The following ZAN variants were observed in gnomAD, a reference collection of about 807,000 sequenced individuals.
ZAN encodes zonadhesin.
A neutral mutation model predicts 286.2 loss-of-function variants in ZAN; 260 were observed. The ratio of observed to expected loss-of-function variants is 0.91; its 90% CI spans 0.82 to 1.01. The LOEUF (loss-of-function observed/expected upper bound fraction) is 1.01. Among genes scored for constraint, ZAN ranks in the 50% least tolerant of loss-of-function variants. The pLI is 0.00. For synonymous variants in ZAN, 1,368 were observed against 1,417.5 expected, an observed-to-expected ratio of 0.97 and a Z score of 0.79; for missense variants, 3,410 against 3,639.2, an observed-to-expected ratio of 0.94 and a Z score of 1.62.
At chr7:100,750,367 C>T (rs890918701) in intron 11 of ZAN, among the ~76,000 whole-genome samples, 1 of 152,090 alleles carries the variant, frequency 6.6e-6, no homozygotes, top group African/African-American at 2.4e-5. Context: ...GATCTCTTGA[C>T]CTCGTGATCC....
chr7:100,784,835 G>A lies in ZAN; in HGVS notation c.6834+1G>A. 1.3e-6 allele frequency: 2 copies of A among 1,586,864 alleles called. No homozygotes were observed. Among genetic ancestry groups the A allele is most frequent in the Non-Finnish European group, 1.7e-6 (2 of 1,163,970 alleles). On this transcript the variant is annotated splice_donor_variant, in intron 36 of 47. Transcript: ENST00000613979. LOFTEE classifies it high-confidence loss of function. ...GGATGCCCATGGTGGCTCCATCCCT[G>A]TGAGTGGGCATGGGAAATGGGACTG... is the stretch of plus-strand genomic sequence containing the variant.
rs1166217824 is a variant in ZAN at position 100,757,754 on chromosome 7, CAAAA to C, written c.3310-434_3310-431del. ...TGGGTGACAGAGTGAGACTCCGTCT[CAAAA>C]AAAAAAAAAAAAACAAAAAAACAGA... On this transcript the variant is annotated intron_variant, in intron 15 of 47. Transcript: ENST00000613979. Among the ~76,000 whole-genome samples the C allele has an allele frequency of 7.0e-5, 4 of 57,516 alleles. No individual in the cohort carries two copies. The East Asian group carries it at 1.3e-3, about 18-fold the overall frequency. 37.7% of individuals were successfully genotyped at this position (57,516 alleles called of 152,430 possible).
Position 100,765,569 on chromosome 7 carries a change from G to A in ZAN, c.4470+15G>A. 6.3e-7 allele frequency: 1 copy of A among 1,583,764 alleles called. No homozygotes were observed. The highest frequency in any genetic ancestry group is 8.6e-7 in the Non-Finnish European group (1 of 1,165,816). ...GCTACTTCAAGGTGAGCGGCTGCGT[G>A]GACCTCTCAGCCCTGCAGCTAGAAA... On this transcript the variant is annotated intron_variant, in intron 23 of 47. Coordinates refer to ENST00000613979, the MANE Select transcript of ZAN (RefSeq NM_003386.3).
chr7:100,789,857 A>G (rs951314076), intron 39 of ZAN, among the ~76,000 whole-genome samples: 1 of 152,092 alleles, frequency 6.6e-6, no homozygotes, highest in African/African-American at 2.4e-5. Flanking sequence ...AGGCAGGAGA[A>G]TCGCTTGAAC....
intron 45 of ZAN, 74 bp downstream of exon 45, chr7:100,795,410 T>TG: frequency 7.3e-7 from 1 of 1,364,060 alleles, no homozygotes; most frequent in Non-Finnish European, 9.5e-7. Flanking sequence ...ATTCTATATG[T>TG]ATTATATTCA....
intron 34 of ZAN, among the ~76,000 whole-genome samples, chr7:100,777,283 A>G (rs3134668): frequency 0.36 from 55,203 of 151,610 alleles, 11,350 homozygotes; most frequent in East Asian, 0.8. Context: ...GACCTCAGGC[A>G]ATGTGGCCGC....
At chr7:100,745,544 G>A (rs1233961229) in intron 7 of ZAN, among the ~76,000 whole-genome samples, 1 of 151,588 alleles carries the variant, frequency 6.6e-6, no homozygotes, top group Admixed American at 6.6e-5. Flanking sequence ...CAGAGCCGCT[G>A]TATCTCTCGC....
chr7:100,777,699 C>A (rs1810913031), intron 34 of ZAN, among the ~76,000 whole-genome samples: 1 of 151,998 alleles, frequency 6.6e-6, no homozygotes, highest in South Asian at 2.1e-4. Flanking sequence ...AGCTAGGGAG[C>A]CAGACTGTAG....
chr7:100,758,641 AACT>A lies in ZAN; in HGVS notation c.3563_3565del (p.Asn1188_Ser1189delinsThr). ...TTACATCTTGGCCCAGCCCTGTGGC[AACT>A]CAACAGGTAGGCCCTGGAGATGCCA... On this transcript the variant is annotated inframe_deletion, in exon 17 of 48. Transcript: ENST00000613979. 1 of 1,554,460 alleles carries A rather than the reference AACT, an allele frequency of 6.4e-7. No individual in the cohort carries two copies. The highest frequency in any genetic ancestry group is 8.7e-7 in the Non-Finnish European group (1 of 1,148,874).
Position 100,734,913 on chromosome 7 carries a change from C to T in ZAN, c.53+692C>T, listed in dbSNP as rs984146530. ...GAAATGACGGATGACAGGCCAAGCG[C>T]GGCGGCTCACCCCTGTAATCCCAGC... On this transcript the variant is annotated intron_variant, in intron 2 of 47. Coordinates refer to ENST00000613979, the MANE Select transcript of ZAN (RefSeq NM_003386.3). Among the ~76,000 whole-genome samples the T allele has an allele frequency of 4.3e-5, 6 of 140,818 alleles. No homozygotes were observed. In the South Asian group the frequency reaches 6.6e-4, roughly 15 times the overall value. 92.4% of individuals were successfully genotyped at this position (140,818 alleles called of 152,430 possible).
intron 28 of ZAN, 36 bp from the exon 29 acceptor site, chr7:100,771,808 C>A: frequency 6.3e-7 from 1 of 1,588,070 alleles, no homozygotes; most frequent in Non-Finnish European, 8.6e-7. Flanking sequence ...CTTCCCGGCC[C>A]CTCCCCTGGC....
Position 100,755,210 on chromosome 7 carries a change from G to A in ZAN, c.3125-16G>A, listed in dbSNP as rs771773735. 3.7e-6 allele frequency: 6 copies of A among 1,600,580 alleles called. No individual in the cohort carries two copies. In the South Asian group the frequency reaches 4.4e-5, roughly 12 times the overall value. On this transcript the variant is annotated splice_polypyrimidine_tract_variant and intron_variant, in intron 14 of 47. Transcript: ENST00000613979. ...GCCATGGAATGAAAGCATGACAGAG[G>A]CTGTTTTCCCCTTAGAGCGCTGCCC...
In ZAN at chr7:100,786,129, T is replaced by C. The variant is rs1280512891; in HGVS notation, c.6967T>C (p.Cys2323Arg). ...QLTSDNSNSN[C>R]VSDKSEQCSV... Reference sequence around the variant, plus strand: ...CACTTCCGACAACAGCAACAGCAATTGTGTCTCAGACAGTAAGGGGAGCGA... The same window carrying C: ...CACTTCCGACAACAGCAACAGCAATCGTGTCTCAGACAGTAAGGGGAGCGA... Residue 2323 changes from cysteine to arginine, a missense_variant, in exon 37 of 48, where the codon TGT becomes CGT. Transcript: ENST00000613979. 1 of 1,613,716 alleles carries C rather than the reference T, an allele frequency of 6.2e-7. No homozygotes were observed. The highest frequency in any genetic ancestry group is 1.3e-5 in the African/African-American group (1 of 74,912).
intron 12 of ZAN, 45 bp downstream of exon 12, chr7:100,750,941 C>A (rs1365966370): frequency 6.6e-7 from 1 of 1,513,446 alleles, no homozygotes; most frequent in East Asian, 2.3e-5. Flanking sequence ...GGTGAGAGGG[C>A]CAATGCCTGG....
At chr7:100,775,639 C>A (rs1021117860) in intron 32 of ZAN, 30 bp from the exon 33 acceptor site, 1 of 1,612,450 alleles carries the variant, frequency 6.2e-7, no homozygotes, top group African/African-American at 1.3e-5. Flanking sequence ...TGTCCCTGCT[C>A]CTACTCACCG....
chr7:100,756,437 A>G (rs1371471296), intron 15 of ZAN, among the ~76,000 whole-genome samples: 2 of 152,032 alleles, frequency 1.3e-5, no homozygotes, highest in African/African-American at 2.4e-5. Flanking sequence ...TCAAAAAAAA[A>G]AAAAGAAAAG....
In ZAN at chr7:100,759,773, G is replaced by A. The variant is rs762631155; in HGVS notation, c.3624G>A (p.Val1208=). ...AKNEEQGQEG[V]SCLSKVYVTL... is the part of the protein sequence containing the mutation. ...ATGAGGAGCAGGGACAGGAAGGCGT[G>A]TCCTGCCTGAGCAAAGTCTACGTGA... Residue 1208 remains valine (V), a synonymous_variant, in exon 18 of 48, where the codon GTG becomes GTA. Transcript: ENST00000613979. The A allele has an allele frequency of 6.2e-7, 1 of 1,603,196 alleles. No homozygotes were observed. Among genetic ancestry groups the A allele is most frequent in the East Asian group, 2.3e-5 (1 of 44,266 alleles).
At chr7:100,775,906 G>C (rs972616352) in intron 33 of ZAN, 73 bp downstream of exon 33, 2 of 1,564,702 alleles carry the variant, frequency 1.3e-6, no homozygotes, top group African/African-American at 2.7e-5. Context: ...GGGATGGGGG[G>C]CAGTGTTCGC....
intron 23 of ZAN, 90 bp downstream of exon 23, chr7:100,765,644 C>T (rs865798624): frequency 9.5e-5 from 136 of 1,429,318 alleles, no homozygotes; most frequent in Middle Eastern, 2.5e-4. Context: ...CTTTTCTTTT[C>T]GTTTCTTGTT....
Sources: allele counts gnomAD v4.1 joint callset (sites outside exome capture counted in the v4.1 genomes callset), GRCh38; gene constraint gnomAD v4.1.1; transcripts MANE v1.5; gene names NCBI Gene and HGNC (gene_info 2026-07-23, HGNC 2026-07-21).